Variants in FGGY observed in about 807,000 individuals in gnomAD.
The protein encoded by FGGY is FGGY carbohydrate kinase domain-containing protein.
Under a neutral mutation model 71.3 loss-of-function variants are expected in FGGY, and 72 were observed. The ratio of observed to expected loss-of-function variants is 1.01; its 90% CI spans 0.84 to 1.23. The LOEUF (loss-of-function observed/expected upper bound fraction) is 1.23. Ranked by LOEUF, FGGY falls within the 50% of genes most tolerant of loss-of-function variation. The pLI is 0.00. For missense variants in FGGY, 668 were observed against 682.3 expected, an observed-to-expected ratio of 0.98 and a Z score of 0.23; for synonymous variants, 251 against 250.3, an observed-to-expected ratio of 1.00 and a Z score of -0.02.
At chr1:59,590,807 C>T (rs2096418108) in intron 8 of FGGY, among the ~76,000 whole-genome samples, 1 of 152,080 alleles carries the variant, frequency 6.6e-6, no homozygotes, top group Non-Finnish European at 1.5e-5. Context: ...TAAGAGCTAT[C>T]TATGACAAAC....
intron 4 of FGGY, among the ~76,000 whole-genome samples, chr1:59,373,873 C>T (rs1164329790): frequency 4.6e-5 from 7 of 152,216 alleles, no homozygotes; most frequent in Admixed American, 3.9e-4. Flanking sequence ...GAAACTGGAT[C>T]CCTTCCTTAC....
chr1:59,308,463 A>T (rs955358681), intron 1 of FGGY, among the ~76,000 whole-genome samples: 1 of 152,222 alleles, frequency 6.6e-6, no homozygotes, highest in African/African-American at 2.4e-5. Context: ...CCAAACCTCC[A>T]CTATATTTCT....
At chr1:59,702,349 TC>T (rs1329883029) in intron 14 of FGGY, among the ~76,000 whole-genome samples, 1 of 152,186 alleles carries the variant, frequency 6.6e-6, no homozygotes, top group African/African-American at 2.4e-5. Context: ...GTAGGCAGAC[TC>T]ATATGGAGAC....
intron 8 of FGGY, among the ~76,000 whole-genome samples, chr1:59,574,293 T>A (rs1275067505): frequency 6.6e-6 from 1 of 152,174 alleles, no homozygotes; most frequent in Non-Finnish European, 1.5e-5. Flanking sequence ...AGCCTTGCCT[T>A]CTGTGGTTTC....
intron 5 of FGGY, among the ~76,000 whole-genome samples, chr1:59,433,626 T>C (rs529099147): frequency 2.7e-4 from 41 of 152,338 alleles, no homozygotes; most frequent in Non-Finnish European, 5.6e-4. Context: ...TTTGTAAATT[T>C]CCTGGCAAAG....
At chr1:59,581,037 A>G (rs1465835511) in intron 8 of FGGY, among the ~76,000 whole-genome samples, 1 of 152,154 alleles carries the variant, frequency 6.6e-6, no homozygotes, top group East Asian at 1.9e-4. Flanking sequence ...AGGGGAAATG[A>G]CACTGGCTGT....
intron 4 of FGGY, among the ~76,000 whole-genome samples, chr1:59,349,490 G>A (rs543270021): frequency 2.0e-5 from 3 of 152,258 alleles, no homozygotes; most frequent in South Asian, 2.1e-4. Flanking sequence ...TATCTGGCAC[G>A]AACCTCTCAG....
At chr1:59,332,554 T>C (rs1226690259) in intron 2 of FGGY, among the ~76,000 whole-genome samples, 1 of 152,078 alleles carries the variant, frequency 6.6e-6, no homozygotes, top group Non-Finnish European at 1.5e-5. Flanking sequence ...CTTGTAAGGC[T>C]GGGGAAATAG....
At chr1:59,509,285 C>T (rs191110753) in intron 6 of FGGY, among the ~76,000 whole-genome samples, 135 of 152,326 alleles carry the variant, frequency 8.9e-4, no homozygotes, top group African/African-American at 3.2e-3. Flanking sequence ...TTACCAATAT[C>T]TCAGTGAAGA....
At chr1:59,566,022 G>A (rs895018932) in intron 8 of FGGY, among the ~76,000 whole-genome samples, 5 of 152,118 alleles carry the variant, frequency 3.3e-5, no homozygotes, top group African/African-American at 7.2e-5. Flanking sequence ...AACTCATGAA[G>A]ATGTTTTTCT....
At chr1:59,739,166 A>T (rs1298916005) in intron 14 of FGGY, among the ~76,000 whole-genome samples, 2 of 152,246 alleles carry the variant, frequency 1.3e-5, no homozygotes, top group Non-Finnish European at 2.9e-5. Context: ...TAATGAAGGC[A>T]GTCCTTGTGA....
Position 59,658,947 on chromosome 1 carries a change from C to T in FGGY, c.1222-1272C>T, listed in dbSNP as rs151223853. 2.3e-3 allele frequency among the ~76,000 whole-genome samples: 351 copies of T among 152,244 alleles called. 4 individuals are homozygous for T. Among genetic ancestry groups the T allele is most frequent in the African/African-American group, 8.0e-3 (331 of 41,546 alleles). On this transcript the variant is annotated intron_variant, in intron 11 of 15. Coordinates refer to ENST00000303721, the MANE Select transcript of FGGY (RefSeq NM_018291.5). ...TCAAGAAAGATGGCTTCTGGCCAGG[C>T]GCAGTGGTTCACAACTGTAATCCCA...
rs2095785747 is a variant in FGGY, at chr1:59,561,068, A to C, written c.903+6841A>C. On this transcript the variant is annotated intron_variant, in intron 8 of 15. Coordinates refer to ENST00000303721, the MANE Select transcript of FGGY (RefSeq NM_018291.5). The stretch of plus-strand genomic sequence containing the variant: ...GGCACCACAGGGAGACAGCACAGTC[A>C]TGTATTATGAACTGATGGTCTTCTG... 2.0e-5 allele frequency among the ~76,000 whole-genome samples: 3 copies of C among 152,326 alleles called. No homozygotes were observed. The South Asian group carries it at 6.2e-4, about 32-fold the overall frequency.
intron 2 of FGGY, among the ~76,000 whole-genome samples, chr1:59,337,940 T>A (rs192564378): frequency 1.4e-3 from 209 of 152,310 alleles, no homozygotes; most frequent in African/African-American, 3.7e-3. Context: ...TCATTTCTGA[T>A]GGGGGAAAGC....
chr1:59,394,360 C>A (rs74087426), intron 5 of FGGY, among the ~76,000 whole-genome samples: 10,064 of 152,186 alleles, frequency 0.066, 529 homozygotes, highest in African/African-American at 0.14. Context: ...CTACAAAATC[C>A]GAGAGCATCC....
At chr1:59,454,821 G>A (rs2091523866) in intron 5 of FGGY, among the ~76,000 whole-genome samples, 2 of 152,158 alleles carry the variant, frequency 1.3e-5, no homozygotes, top group Non-Finnish European at 2.9e-5. Context: ...TAGATATTTT[G>A]CATACCACTG....
At chr1:59,729,440 A>T (rs2097996025) in intron 14 of FGGY, among the ~76,000 whole-genome samples, 1 of 152,108 alleles carries the variant, frequency 6.6e-6, no homozygotes, top group Non-Finnish European at 1.5e-5. Context: ...TATTTTGTTG[A>T]AACATGGATA....
At chr1:59,299,477 T>A (rs903117558) in intron 1 of FGGY, among the ~76,000 whole-genome samples, 1 of 152,130 alleles carries the variant, frequency 6.6e-6, no homozygotes, top group Admixed American at 6.5e-5. Flanking sequence ...AGAGAGGTAA[T>A]TGTAGTAATA....
At chr1:59,687,601 G>A (rs1281634504) in intron 14 of FGGY, among the ~76,000 whole-genome samples, 1 of 151,616 alleles carries the variant, frequency 6.6e-6, no homozygotes, top group Non-Finnish European at 1.5e-5. Context: ...CGAGTAGCTG[G>A]GACTACAGGT....
Sources: allele counts gnomAD v4.1 joint callset (sites outside exome capture counted in the v4.1 genomes callset), GRCh38; gene constraint gnomAD v4.1.1; transcripts MANE v1.5; gene names NCBI Gene and HGNC (gene_info 2026-07-23, HGNC 2026-07-21).